The following XIAP variants were observed in gnomAD, a reference collection of about 807,000 sequenced individuals.
XIAP encodes the protein X-linked inhibitor of apoptosis, also known as E3 ubiquitin-protein ligase XIAP.
In XIAP, 3 loss-of-function variants were observed where a neutral mutation model predicts 33.1. The observed-to-expected ratio is 0.09, with a 90% confidence interval of 0.04 to 0.23. The LOEUF (loss-of-function observed/expected upper bound fraction) is 0.23. Ranked by LOEUF, XIAP falls within the 10% of genes least tolerant of loss-of-function variation. XIAP has a pLI of 1.00. For synonymous variants in XIAP, 98 were observed against 121.3 expected (o/e 0.81, Z 1.26); for missense variants, 264 against 363.0 (o/e 0.73, Z 2.22).
At chrX:123,901,345 A>C (rs751512840) in intron 6 of XIAP, among the ~76,000 whole-genome samples, 63 of 111,325 alleles carry the variant, frequency 5.7e-4, no homozygotes, top group Non-Finnish European at 9.4e-4. Context: ...TGATCATGCC[A>C]CTACACTTCG....
At chrX:123,883,223 C>A (rs1266996700) in intron 1 of XIAP, among the ~76,000 whole-genome samples, 1 of 109,479 alleles carries the variant, frequency 9.1e-6, no homozygotes, top group Non-Finnish European at 1.9e-5. Context: ...GCTGGGATTA[C>A]AGGTACCTGC....
intron 1 of XIAP, among the ~76,000 whole-genome samples, chrX:123,871,132 C>T (rs1350761380): frequency 9.1e-6 from 1 of 110,418 alleles, no homozygotes; most frequent in African/African-American, 3.3e-5. Flanking sequence ...TAGTAGGGGC[C>T]GGGTTTCACC....
intron 1 of XIAP, among the ~76,000 whole-genome samples, chrX:123,872,464 G>A (rs932768917): frequency 1.1e-4 from 12 of 110,358 alleles, no homozygotes; most frequent in African/African-American, 4.0e-4. Context: ...GAGGCGGGCA[G>A]ATCACCTGAA....
At chrX:123,906,264 C>CT (rs2053554880) in intron 6 of XIAP, among the ~76,000 whole-genome samples, 1 of 112,108 alleles carries the variant, frequency 8.9e-6, no homozygotes. Context: ...ATCCAGATCT[C>CT]TATCTCTAGC....
chrX:123,867,977 G>A lies in XIAP; in HGVS notation c.-33+7684G>A, dbSNP rs185924157. Among the ~76,000 whole-genome samples, 268 of 111,402 alleles carry A rather than the reference G, an allele frequency of 2.4e-3. 2 individuals carry two copies. The highest frequency in any genetic ancestry group is 8.3e-3 in the African/African-American group (256 of 30,682). ...AGGCATGAGCCACTGCGCCCAGCCT[G>A]AAGTCTTTCAAAATACATTTTTTAT... is the stretch of plus-strand genomic sequence containing the variant. On this transcript the variant is annotated intron_variant, in intron 1 of 6. Transcript: ENST00000371199.
In XIAP at chrX:123,894,666, G is replaced by T. The variant is rs192436617; in HGVS notation, c.1099+1893G>T. Among the ~76,000 whole-genome samples the T allele has an allele frequency of 5.9e-4, 66 of 110,970 alleles. No individual in the cohort carries two copies. The East Asian group carries it at 0.015, about 25-fold the overall frequency. On this transcript the variant is annotated intron_variant, in intron 5 of 6. Transcript: ENST00000371199. ...GCCTGTAATCCCAGCTACTTGGGAG[G>T]CTGGGGCAGGAGAATTGCTTGAACC...
rs1053793667 is a variant in XIAP, at chrX:123,892,718, A to G, written c.1057-13A>G. 8 of 1,193,873 alleles carry G rather than the reference A, an allele frequency of 6.7e-6. No individual in the cohort carries two copies. Among genetic ancestry groups the G allele is most frequent in the Non-Finnish European group, 8.0e-6 (7 of 880,266 alleles). On this transcript the variant is annotated splice_polypyrimidine_tract_variant and intron_variant, in intron 4 of 6. Transcript: ENST00000371199. ...AAAATAATTCTAACTTACAGTTCCT[A>G]TTTCTGTTACAGGTAAGAACTACTG... is the stretch of plus-strand genomic sequence containing the variant.
At chrX:123,889,812 C>T (rs1024941727) in intron 3 of XIAP, among the ~76,000 whole-genome samples, 23 of 110,309 alleles carry the variant, frequency 2.1e-4, no homozygotes, top group Non-Finnish European at 2.5e-4. Context: ...CTCCACCTTG[C>T]TTGGCCTCTA....
intron 6 of XIAP, 132 bp from the exon 7 acceptor site, chrX:123,906,856 G>A (rs1167618983): frequency 5.6e-6 from 4 of 718,258 alleles, no homozygotes; most frequent in East Asian, 3.2e-5. Context: ...CAGATGCCAC[G>A]GGTGAGTCAT....
rs1424725864 is a variant in XIAP at position 123,910,995 on chromosome X, A to C, written c.*3814A>C. 3.1e-6 allele frequency: 1 copy of C among 327,362 alleles called. No individual in the cohort carries two copies. The highest frequency in any genetic ancestry group is 5.9e-6 in the Non-Finnish European group (1 of 169,665). 27.0% of individuals were successfully genotyped at this position (327,362 alleles called of 1,213,427 possible). ...GTGAAAGGAAAATAATACTTATCTT[A>C]CAAGGTTGCAAGAGCTCAAGGAGAC... On this transcript the variant is annotated 3_prime_UTR_variant, in exon 7 of 7. Coordinates refer to ENST00000371199, the MANE Select transcript of XIAP (RefSeq NM_001167.4).
chrX:123,909,407 T>C lies in XIAP; in HGVS notation c.*2226T>C, dbSNP rs1374688099. Reference sequence around the variant, plus strand: ...TGTTTCTGTTTTAGTATGTAAATCCTCAGTTCTTCACCTTTGCACTGTCTG... The same window carrying C: ...TGTTTCTGTTTTAGTATGTAAATCCCCAGTTCTTCACCTTTGCACTGTCTG... On this transcript the variant is annotated 3_prime_UTR_variant, in exon 7 of 7. Coordinates refer to ENST00000371199, the MANE Select transcript of XIAP (RefSeq NM_001167.4). The C allele has an allele frequency of 3.0e-6, 1 of 329,814 alleles. No homozygotes were observed. Among genetic ancestry groups the C allele is most frequent in the Non-Finnish European group, 5.9e-6 (1 of 170,082 alleles). The allele number at this position is 329,814 out of a possible 1,213,427, so 27.2% of individuals were successfully genotyped here. A position where few individuals can be genotyped will look rare whatever the true frequency, so the allele number is the denominator to read the frequency against.
intron 2 of XIAP, among the ~76,000 whole-genome samples, 156 bp downstream of exon 2, chrX:123,886,695 G>A (rs1453712376): frequency 9.0e-6 from 1 of 110,891 alleles, no homozygotes. Flanking sequence ...CTCTTATGTT[G>A]AACCTGTAAT....
At chrX:123,902,755 CAAAT>C (rs1347386929) in intron 6 of XIAP, among the ~76,000 whole-genome samples, 3 of 111,553 alleles carry the variant, frequency 2.7e-5, no homozygotes, top group Non-Finnish European at 3.8e-5. Flanking sequence ...ATATAAAAAT[CAAAT>C]AACCCATATT....
In XIAP at chrX:123,908,968, C is replaced by A. The variant is rs1304037189; in HGVS notation, c.*1787C>A. On this transcript the variant is annotated 3_prime_UTR_variant, in exon 7 of 7. Transcript: ENST00000371199. The stretch of plus-strand genomic sequence containing the variant: ...AGAGAAAGAGTATTGTTATGTTCTC[C>A]TAACTTCTGTTGATTACTACTTTAA... The A allele has an allele frequency of 6.0e-6, 2 of 334,547 alleles. No homozygotes were observed. The highest frequency in any genetic ancestry group is 5.2e-5 in the African/African-American group (2 of 38,100). 27.6% of individuals were successfully genotyped at this position (334,547 alleles called of 1,213,427 possible).
intron 2 of XIAP, among the ~76,000 whole-genome samples, chrX:123,888,291 C>T (rs1056633156): frequency 4.3e-4 from 48 of 111,911 alleles, no homozygotes; most frequent in African/African-American, 1.4e-3. Flanking sequence ...ACCAAGACTG[C>T]GCCATTGCAC....
chrX:123,894,585 A>G (rs2053441683), intron 5 of XIAP, among the ~76,000 whole-genome samples: 1 of 110,858 alleles, frequency 9.0e-6, no homozygotes. Context: ...CCCGGCCAAC[A>G]TGGTGAAACT....
chrX:123,877,592 G>C (rs1411025852), intron 1 of XIAP, among the ~76,000 whole-genome samples: 1 of 111,824 alleles, frequency 8.9e-6, no homozygotes, highest in Non-Finnish European at 1.9e-5. Context: ...AGCAACAGAA[G>C]AACAACATTA....
rs1475669031 is a variant in XIAP, at chrX:123,886,480, G to A, written c.818G>A (p.Gly273Glu). The part of the protein sequence containing the change: ...ADYEARIFTF[G>E]TWIYSVNKEQ... ...TATGAAGCACGGATCTTTACTTTTG[G>A]GACATGGATATACTCAGTTAACAAG... The change falls in exon 2 of 7, where the codon GGG becomes GAG. Residue 273 changes from glycine (G) to glutamate (E), a missense_variant. Gly to Glu is a moderately conservative substitution (Grantham distance 98, BLOSUM62 -2). Transcript: ENST00000371199. 3 of 1,207,205 alleles carry A rather than the reference G, an allele frequency of 2.5e-6. No individual in the cohort carries two copies. The East Asian group carries it at 8.9e-5, about 36-fold the overall frequency.
intron 1 of XIAP, among the ~76,000 whole-genome samples, chrX:123,864,635 AGT>A (rs748255094): frequency 0.14 from 12,040 of 84,154 alleles, 791 homozygotes; most frequent in Middle Eastern, 0.2. Context: ...CCCGGCTTAG[AGT>A]GTGTGTGTGT....
Sources: gnomAD v4.1 joint callset for allele counts (sites outside exome capture counted in the v4.1 genomes callset) on GRCh38, gnomAD v4.1.1 for gene constraint, MANE v1.5 for transcripts, NCBI Gene and HGNC (gene_info 2026-07-23, HGNC 2026-07-21) for gene names.